STAB1: variants seen among roughly 807,000 people sequenced by gnomAD.
The protein encoded by STAB1 is stabilin-1.
STAB1 carries 250 observed loss-of-function variants against 332.4 expected under a neutral mutation model. That is an observed-to-expected ratio of 0.75 (90% confidence interval 0.68 to 0.84). The LOEUF (loss-of-function observed/expected upper bound fraction) is 0.84. Ranked by LOEUF, STAB1 falls within the 40% of genes least tolerant of loss-of-function variation. The pLI is 0.00. For missense variants in STAB1, 3,249 were observed against 3,489.7 expected (o/e 0.93, Z 1.74); for synonymous variants, 1,475 against 1,390.4 (o/e 1.06, Z -1.35).
At position 52,505,065 on chromosome 3, in the gene STAB1, C is replaced by T. The variant is rs762431753; in HGVS notation, c.1440C>T (p.Asn480=). ...QQTFNIYKAN[N]IAANGVFHVV... ...CGTTCAACATCTACAAGGCCAACAA[C>T]ATAGCAGCTAATGGCGTCTTCCACG... Residue 480 remains asparagine (N), a synonymous_variant, in exon 13 of 69, where the codon AAC becomes AAT. Coordinates refer to ENST00000321725, the MANE Select transcript of STAB1 (RefSeq NM_015136.3). 6 of 1,613,832 alleles carry T rather than the reference C, an allele frequency of 3.7e-6. No individual in the cohort carries two copies. The highest frequency in any genetic ancestry group is 2.2e-5 in the East Asian group (1 of 44,878).
chr3:52,523,979 C>T lies in STAB1; in HGVS notation c.7504C>T (p.Arg2502Ter), dbSNP rs769527109. Residue 2502 changes from arginine (R) to a stop codon, truncating the protein, a stop_gained, in exon 67 of 69, where the codon CGA becomes TGA. Transcript: ENST00000321725. LOFTEE classifies it high-confidence loss of function. ...LVAGALYLRA[R>*]GKPMGFGFSA... Reference sequence around the variant, plus strand: ...GGCCGGAGCTCTCTACCTCCGTGCCCGAGGCAAGCCCATGGGCTTTGGCTT... The same window carrying T: ...GGCCGGAGCTCTCTACCTCCGTGCCTGAGGCAAGCCCATGGGCTTTGGCTT... 134 of 1,611,764 alleles carry T rather than the reference C, an allele frequency of 8.3e-5. No homozygotes were observed. The highest frequency in any genetic ancestry group is 1.1e-4 in the Non-Finnish European group (125 of 1,179,892).
rs56285181 is a variant in STAB1 at position 52,513,811 on chromosome 3, G to A, written c.3348+17G>A. On this transcript the variant is annotated intron_variant, in intron 31 of 68. Transcript: ENST00000321725. ...CTCAGCCAGGTACAGCAGGAGGAGG[G>A]TGTGTGCAGGGAAACTTGCAGGCAG... The A allele has an allele frequency of 7.2e-3, 11,683 of 1,613,318 alleles. 62 individuals are homozygous for A. Among genetic ancestry groups the A allele is most frequent in the Admixed American group, 8.9e-3 (534 of 60,026 alleles).
intron 14 of STAB1, 109 bp from the exon 15 acceptor site, chr3:52,505,559 C>G (rs1227283249): frequency 7.9e-7 from 1 of 1,263,560 alleles, no homozygotes; most frequent in African/African-American, 1.5e-5. Flanking sequence ...CCATGTCTCC[C>G]CCTTACTCAG....
In STAB1 at chr3:52,523,957, C is replaced by G; in HGVS notation, c.7482C>G (p.Ala2494=). 1 of 1,611,238 alleles carries G rather than the reference C, an allele frequency of 6.2e-7. No homozygotes were observed. Among genetic ancestry groups the G allele is most frequent in the Non-Finnish European group, 8.5e-7 (1 of 1,179,930 alleles). The change falls in exon 67 of 69, where the codon GCC becomes GCG. Residue 2494 remains alanine (A), a synonymous_variant. Transcript: ENST00000321725. The part of the protein sequence containing the change: ...LAAGALLGLV[A]GALYLRARGK... ...CTGGAGCACTGCTTGGCTTGGTGGC[C>G]GGAGCTCTCTACCTCCGTGCCCGAG...
intron 25 of STAB1, among the ~76,000 whole-genome samples, chr3:52,511,262 GC>G (rs1420334038): frequency 6.6e-6 from 1 of 152,242 alleles, no homozygotes; most frequent in Non-Finnish European, 1.5e-5. Flanking sequence ...GGGGATTAGA[GC>G]AGCTGAGTAG....
rs1559682366 is a variant in STAB1 at position 52,506,227 on chromosome 3, C to G, written c.1807C>G (p.Leu603Val). 5.0e-6 allele frequency: 8 copies of G among 1,612,852 alleles called. No individual in the cohort carries two copies. Among genetic ancestry groups the G allele is most frequent in the Non-Finnish European group, 6.8e-6 (8 of 1,179,634 alleles). The change falls in exon 17 of 69, where the codon CTG becomes GTG. Residue 603 changes from leucine (L) to valine (V), a missense_variant. Transcript: ENST00000321725. ...GRILTMANQV[L>V]AVNISEEGRI... ...GATCCTCACCATGGCGAACCAGGTC[C>G]TGGCTGTGAACATTTCTGAGGAGGT...
rs773785611 is a variant in STAB1, at chr3:52,504,143, G to A, written c.1138G>A (p.Val380Met). Residue 380 changes from valine (V) to methionine (M), a missense_variant, in exon 10 of 69, where the codon GTG (valine) becomes ATG (methionine). Transcript: ENST00000321725. ...GRVFLQLRVA[V>M]AMMDQGCREI... ...GGTGTTCCTGCAGCTGAGGGTCGCC[G>A]TGGCCATGATGGGTGCGTGACCCCA... 2.3e-5 allele frequency: 37 copies of A among 1,588,718 alleles called. No individual in the cohort carries two copies. The highest frequency in any genetic ancestry group is 2.9e-5 in the Non-Finnish European group (34 of 1,169,868).
At chr3:52,496,591 C>G (rs1013520413) in intron 1 of STAB1, among the ~76,000 whole-genome samples, 1 of 152,182 alleles carries the variant, frequency 6.6e-6, no homozygotes, top group Non-Finnish European at 1.5e-5. Context: ...GCTGAGAAGG[C>G]GACAGTGATG....
chr3:52,503,753 C>T lies in STAB1; in HGVS notation c.892-19C>T. The T allele has an allele frequency of 6.2e-7, 1 of 1,612,800 alleles. No individual in the cohort carries two copies. The highest frequency in any genetic ancestry group is 1.1e-5 in the South Asian group (1 of 91,060). ...TGGGGTTGGACGTGGTGTTCCCCTC[C>T]TGCCCTGTCGGGGGCCAGGCCTTCT... On this transcript the variant is annotated intron_variant, in intron 8 of 68. Transcript: ENST00000321725.
At chr3:52,507,585 C>G (rs779218660) in intron 18 of STAB1, 28 bp from the exon 19 acceptor site, 1 of 1,607,368 alleles carries the variant, frequency 6.2e-7, no homozygotes, top group Non-Finnish European at 8.5e-7. Flanking sequence ...ACTAACCCCT[C>G]TCCCCATCCT....
In STAB1 at chr3:52,510,089, G is replaced by A. The variant is rs377210636; in HGVS notation, c.2534+33G>A. 2.4e-5 allele frequency: 39 copies of A among 1,613,276 alleles called. 1 individual carries two copies. The highest frequency in any genetic ancestry group is 3.3e-5 in the South Asian group (3 of 91,078). On this transcript the variant is annotated intron_variant, in intron 23 of 68. Coordinates refer to ENST00000321725, the MANE Select transcript of STAB1 (RefSeq NM_015136.3). ...CCCACACCTTCTGTCTGCCCCACCCGTGACCTTTCATACCTGAGGCTCACT... is the reference window on the plus strand; with the variant it reads ...CCCACACCTTCTGTCTGCCCCACCCATGACCTTTCATACCTGAGGCTCACT...
chr3:52,519,134 T>C (rs2078983646), intron 48 of STAB1, 130 bp from the exon 49 acceptor site: 2 of 1,140,720 alleles, frequency 1.8e-6, no homozygotes, highest in Non-Finnish European at 2.5e-6. Context: ...GCCCACCTCG[T>C]CCTGGTCCCG....
intron 7 of STAB1, 62 bp from the exon 8 acceptor site, chr3:52,503,282 C>T: frequency 6.5e-7 from 1 of 1,547,572 alleles, no homozygotes; most frequent in Non-Finnish European, 8.7e-7. Flanking sequence ...CTGGTGAAAG[C>T]TGTGGCGGAG....
chr3:52,523,804 C>A, intron 66 of STAB1, 48 bp downstream of exon 66: 1 of 1,586,094 alleles, frequency 6.3e-7, no homozygotes. Flanking sequence ...ACCCCCACAA[C>A]CTGTGAGCCC....
In STAB1 at chr3:52,524,474, C is replaced by T. The variant is rs200568224; in HGVS notation, c.*118C>T. ...TCCCAGACAATAAAGGTGCCCTCAGCGGATGTGGGCCATGTCACCAAGGAA... is the reference window on the plus strand; with the variant it reads ...TCCCAGACAATAAAGGTGCCCTCAGTGGATGTGGGCCATGTCACCAAGGAA... On this transcript the variant is annotated 3_prime_UTR_variant, in exon 69 of 69. Transcript: ENST00000321725. The T allele has an allele frequency of 8.7e-6, 14 of 1,612,696 alleles. No homozygotes were observed. The highest frequency in any genetic ancestry group is 1.6e-4 in the Middle Eastern group (1 of 6,062).
Position 52,504,807 on chromosome 3 carries a change from G to T in STAB1, c.1308G>T (p.Arg436Ser). ...GGCAGCACATCCTGGAGGACACAAG[G>T]ACCCAACAAACACGAAGGTGGTGGA... ...IAGQHILEDT[R>S]TQQTRRWWTL... The change falls in exon 12 of 69, where the codon AGG becomes AGT. Residue 436 changes from arginine to serine, a missense_variant. Arg to Ser is a moderately radical substitution (Grantham distance 110). Transcript: ENST00000321725. The T allele has an allele frequency of 6.2e-7, 1 of 1,613,902 alleles. No homozygotes were observed.
intron 1 of STAB1, 35 bp from the exon 2 acceptor site, chr3:52,501,131 C>T (rs1378335407): frequency 6.2e-7 from 1 of 1,604,822 alleles, no homozygotes; most frequent in Admixed American, 1.7e-5. Context: ...GGCGTGGGGT[C>T]CAGGCCCCTG....
intron 6 of STAB1, 42 bp downstream of exon 6, chr3:52,502,769 G>T: frequency 6.3e-7 from 1 of 1,590,680 alleles, no homozygotes; most frequent in South Asian, 1.1e-5. Flanking sequence ...GCAGGTCCCT[G>T]TGGCCAGAGC....
Position 52,505,920 on chromosome 3 carries a change from T to C in STAB1, c.1733T>C (p.Ile578Thr). The change falls in exon 16 of 69, where the codon ATC becomes ACC. Residue 578 changes from isoleucine (I) to threonine (T), a missense_variant. By Grantham distance (89) the Ile-to-Thr change is moderately conservative. Transcript: ENST00000321725. ...SKLQELVRYHIYNHGQLTVEK... is the reference protein window; with the variant it reads ...SKLQELVRYHTYNHGQLTVEK... ...CTGCAGGAGTTGGTGCGGTACCACA[T>C]CTACAACCACGGCCAGGTGCGAGGT... 6.2e-7 allele frequency: 1 copy of C among 1,613,774 alleles called. No individual in the cohort carries two copies. The highest frequency in any genetic ancestry group is 8.5e-7 in the Non-Finnish European group (1 of 1,180,024).
Sources: allele counts gnomAD v4.1 joint callset (sites outside exome capture counted in the v4.1 genomes callset), GRCh38; gene constraint gnomAD v4.1.1; transcripts MANE v1.5; gene names NCBI Gene and HGNC (gene_info 2026-07-23, HGNC 2026-07-21).